LHX6: variants seen among roughly 807,000 people sequenced by gnomAD.
The protein encoded by LHX6 is LIM/homeobox protein Lhx6.
In LHX6, 15 loss-of-function variants were observed where a neutral mutation model predicts 47.1. That is an observed-to-expected ratio of 0.32 (90% confidence interval 0.21 to 0.49). LHX6 has a LOEUF of 0.49. Among genes scored for constraint, LHX6 ranks in the 20% least tolerant of loss-of-function variants. LHX6 has a pLI of 0.99. For synonymous variants in LHX6, 242 were observed against 233.5 expected (o/e 1.04, Z -0.33); for missense variants, 404 against 539.6 (o/e 0.75, Z 2.49).
chr9:122,221,068 G>A, intron 4 of LHX6: 2 of 985,056 alleles, frequency 2.0e-6, no homozygotes, highest in Non-Finnish European at 2.4e-6. Context: ...GAGCCGAGAG[G>A]CCGAAACTCA....
chr9:122,210,386 C>A (rs754352029), intron 8 of LHX6, among the ~76,000 whole-genome samples: 6 of 152,168 alleles, frequency 3.9e-5, no homozygotes, highest in Non-Finnish European at 8.8e-5. Flanking sequence ...TCTATTCAGA[C>A]CCTCCCTCAG....
rs2118804756 is a variant in LHX6 at position 122,202,957 on chromosome 9, A to G, written c.*1803T>C. ...CACTGGGGCCTTGATGATCAGGAGC[A>G]AAAATCAAAGGAAAGATTTGAGCTC... On this transcript the variant is annotated 3_prime_UTR_variant, in exon 10 of 10. Coordinates refer to ENST00000394319, the MANE Select transcript of LHX6 (RefSeq NM_014368.5). 6.6e-6 allele frequency: 1 copy of G among 152,542 alleles called. No individual in the cohort carries two copies. Among genetic ancestry groups the G allele is most frequent in the Middle Eastern group, 3.4e-3 (1 of 294 alleles). 9.4% of individuals were successfully genotyped at this position (152,542 alleles called of 1,614,324 possible).
Position 122,213,569 on chromosome 9 carries a change from C to T in LHX6, c.1054+37G>A, listed in dbSNP as rs764251235. 4 of 1,516,876 alleles carry T rather than the reference C, an allele frequency of 2.6e-6. No individual in the cohort carries two copies. In the African/African-American group the frequency reaches 4.1e-5, roughly 16 times the overall value. 94.0% of individuals were successfully genotyped at this position (1,516,876 alleles called of 1,614,324 possible). A position where few individuals can be genotyped will look rare whatever the true frequency, so the allele number is the denominator to read the frequency against. On this transcript the variant is annotated intron_variant, in intron 8 of 9. Transcript: ENST00000394319. This position sits in a 1 kb window ranked among gnomAD's most constrained non-coding sequence, Gnocchi z 5.5. ...CGTGCGCTCCTCCGCGCCCCCTCCCCGCAGGCCCAGCGGCTCCCGGCGCTG... is the reference window on the plus strand; with the variant it reads ...CGTGCGCTCCTCCGCGCCCCCTCCCTGCAGGCCCAGCGGCTCCCGGCGCTG...
Position 122,209,688 on chromosome 9 carries a change from G to A in LHX6, c.1084C>T (p.Arg362Trp), listed in dbSNP as rs1830326799. Residue 362 changes from arginine (R) to tryptophan (W), a missense_variant, in exon 9 of 10, where the codon CGG becomes TGG. Around this residue, in one of 7 missense-constraint regions of LHX6, gnomAD observed 127 missense variants for 116.1 expected, o/e 1.09. Coordinates refer to ENST00000394319, the MANE Select transcript of LHX6 (RefSeq NM_014368.5). ...ACGGGGGGTGCGGTGTAAGGCAGCC[G>A]GCAGTGCACCTGCCCGCACTGTACC... Reference protein sequence around the residue: ...SQVQCGQVHCRLPYTAPPVHL... With the variant: ...SQVQCGQVHCWLPYTAPPVHL... 2.8e-6 allele frequency: 3 copies of A among 1,057,354 alleles called. No homozygotes were observed. Among genetic ancestry groups the A allele is most frequent in the Admixed American group, 1.7e-5 (1 of 59,346 alleles). The allele number at this position is 1,057,354 out of a possible 1,614,324, so 65.5% of individuals were successfully genotyped here. A position where few individuals can be genotyped will look rare whatever the true frequency, so the allele number is the denominator to read the frequency against.
intron 5 of LHX6, 72 bp downstream of exon 5, chr9:122,216,996 C>A: frequency 7.6e-7 from 1 of 1,317,008 alleles, no homozygotes; most frequent in South Asian, 1.3e-5. Flanking sequence ...GTGGGTGGTT[C>A]CTGGGGTGCT....
chr9:122,227,017 G>T lies in LHX6; in HGVS notation c.170C>A (p.Ala57Asp), dbSNP rs1831131950. The change falls in exon 3 of 10, where the codon GCC (alanine) becomes GAC (aspartate). Residue 57 changes from alanine (A) to aspartate (D), a missense_variant. Physicochemically the swap from Ala to Asp is moderately radical, Grantham distance 126. This residue lies in a region of LHX6 where 144 missense variants were observed against 128.7 expected (regional missense o/e 1.12). Coordinates refer to ENST00000394319, the MANE Select transcript of LHX6 (RefSeq NM_014368.5). ...GTCCAGAGCTCCTGCCAGGGCCTCG[G>T]CGTCAGACTGAGCCTGCGGCGGGGG... ...TAPPAMAQSD[A>D]EALAGALDKD... The T allele has an allele frequency of 1.3e-6, 2 of 1,503,724 alleles. No homozygotes were observed. Among genetic ancestry groups the T allele is most frequent in the Non-Finnish European group, 1.8e-6 (2 of 1,123,378 alleles). 93.1% of individuals were successfully genotyped at this position (1,503,724 alleles called of 1,614,324 possible). A position where few individuals can be genotyped will look rare whatever the true frequency, so the allele number is the denominator to read the frequency against.
intron 9 of LHX6, among the ~76,000 whole-genome samples, chr9:122,207,066 A>G (rs577751152): frequency 6.6e-6 from 1 of 152,262 alleles, no homozygotes; most frequent in East Asian, 1.9e-4. Flanking sequence ...AAGCTCCCTG[A>G]GGGCAGGGAT....
intron 8 of LHX6, among the ~76,000 whole-genome samples, chr9:122,210,070 T>G (rs1830344121): frequency 6.6e-6 from 1 of 152,052 alleles, no homozygotes; most frequent in African/African-American, 2.4e-5. Context: ...GAGACGGGGT[T>G]TCACCGTGTT....
At chr9:122,228,593 G>C (rs1009327623) in intron 1 of LHX6, 64 bp downstream of exon 1, 128 of 1,323,394 alleles carry the variant, frequency 9.7e-5, no homozygotes, top group Non-Finnish European at 1.1e-4. Context: ...TGCTCGGCCC[G>C]GCTGGGTCCC....
At chr9:122,221,977 A>G (rs1191347553) in intron 4 of LHX6, among the ~76,000 whole-genome samples, 1 of 152,182 alleles carries the variant, frequency 6.6e-6, no homozygotes, top group East Asian at 1.9e-4. Context: ...CCACGCCACC[A>G]TACTGTGGGA....
Position 122,202,736 on chromosome 9 carries a change from T to C in LHX6, c.*2024A>G, listed in dbSNP as rs1450543513. ...TTCCGTGTGTGTGTTTTCCCCTTTT[T>C]TTGTATTTAAATAAATAGTCTTGAT... On this transcript the variant is annotated 3_prime_UTR_variant, in exon 10 of 10. Transcript: ENST00000394319. The C allele has an allele frequency of 2.0e-5, 3 of 152,608 alleles. No homozygotes were observed. The East Asian group carries it at 5.8e-4, about 29-fold the overall frequency. The allele number at this position is 152,608 out of a possible 1,614,324, so 9.5% of individuals were successfully genotyped here.
chr9:122,208,366 C>CCTGTCACA (rs1383329969), intron 9 of LHX6, among the ~76,000 whole-genome samples: 2 of 152,084 alleles, frequency 1.3e-5, no homozygotes, highest in Non-Finnish European at 2.9e-5. Flanking sequence ...CATGGCTTCC[C>CCTGTCACA]CTGTCACACT....
intron 5 of LHX6, among the ~76,000 whole-genome samples, 170 bp downstream of exon 5, chr9:122,216,898 A>G (rs1830611623): frequency 6.7e-6 from 1 of 148,308 alleles, no homozygotes; most frequent in Middle Eastern, 3.5e-3. Flanking sequence ...TAAGCAAAAG[A>G]TCGACCCGGA....
At position 122,204,754 on chromosome 9, in the gene LHX6, G is replaced by A; in HGVS notation, c.*6C>T. On this transcript the variant is annotated 3_prime_UTR_variant, in exon 10 of 10. Transcript: ENST00000394319. The stretch of plus-strand genomic sequence containing the variant: ...CCCACGGGCAGATGCGGAAGTGCCG[G>A]CAGCGTTAGTACTGAAAAAGGATGA... 1 of 1,599,390 alleles carries A rather than the reference G, an allele frequency of 6.3e-7. No individual in the cohort carries two copies.
rs761983883 is a variant in LHX6, at chr9:122,213,677, T to C, written c.983A>G (p.Asp328Gly). The C allele has an allele frequency of 2.5e-6, 4 of 1,612,508 alleles. No individual in the cohort carries two copies. Among genetic ancestry groups the C allele is most frequent in the Non-Finnish European group, 2.5e-6 (3 of 1,179,794 alleles). ...PPSRLPSALS[D>G]DIHYTPFSSP... Reference sequence around the variant, plus strand: ...GCTGAACGGGGTGTAGTGGATGTCGTCGGACAGGGCGGAGGGAAGGCGGGA... The same window carrying C: ...GCTGAACGGGGTGTAGTGGATGTCGCCGGACAGGGCGGAGGGAAGGCGGGA... The change falls in exon 8 of 10, where the codon GAC (aspartate) becomes GGC (glycine). Residue 328 changes from aspartate to glycine, a missense_variant. By Grantham distance (94) the Asp-to-Gly change is moderately conservative. Coordinates refer to ENST00000394319, the MANE Select transcript of LHX6 (RefSeq NM_014368.5). The surrounding 1 kb of genome is among the most constrained non-coding windows in gnomAD (Gnocchi z 5.5).
intron 8 of LHX6, among the ~76,000 whole-genome samples, chr9:122,211,742 C>T (rs754796169): frequency 2.6e-5 from 4 of 152,184 alleles, no homozygotes; most frequent in Admixed American, 6.5e-5. Flanking sequence ...TAAGTTTGGT[C>T]AACAGAGTGT....
In LHX6 at chr9:122,228,231, A is replaced by G. The variant is rs1831191454; in HGVS notation, c.84+426T>C. The G allele has an allele frequency of 1.2e-5, 19 of 1,529,250 alleles. No individual in the cohort carries two copies. In the South Asian group the frequency reaches 2.3e-4, roughly 18 times the overall value. 94.7% of individuals were successfully genotyped at this position (1,529,250 alleles called of 1,614,324 possible). A position where few individuals can be genotyped will look rare whatever the true frequency, so the allele number is the denominator to read the frequency against. On this transcript the variant is annotated intron_variant, in intron 1 of 9. Transcript: ENST00000394319. ...AAAAAGAGAGCGAGATCGGGGCGAA[A>G]CGGGACCAAAAAGAGAAAAGAGAGG...
At position 122,213,933 on chromosome 9, in the gene LHX6, G is replaced by A. The variant is rs1347971104; in HGVS notation, c.879+41C>T. 1 of 1,540,728 alleles carries A rather than the reference G, an allele frequency of 6.5e-7. No individual in the cohort carries two copies. On this transcript the variant is annotated intron_variant, in intron 7 of 9. Transcript: ENST00000394319. The surrounding 1 kb of genome is among the most constrained non-coding windows in gnomAD (Gnocchi z 5.5). The stretch of plus-strand genomic sequence containing the variant: ...GCCGAGCCCAGCTACGAGCTCCGGG[G>A]CGTGCCCGCGGTCCCCAGGCCCCGC...
rs1416548458 is a variant in LHX6 at position 122,213,428 on chromosome 9, C to A, written c.1054+178G>T. Among the ~76,000 whole-genome samples, 1 of 152,156 alleles carries A rather than the reference C, an allele frequency of 6.6e-6. No homozygotes were observed. The highest frequency in any genetic ancestry group is 1.5e-5 in the Non-Finnish European group (1 of 68,032). On this transcript the variant is annotated intron_variant, in intron 8 of 9. Transcript: ENST00000394319. This position sits in a 1 kb window ranked among gnomAD's most constrained non-coding sequence, Gnocchi z 5.5. The stretch of plus-strand genomic sequence containing the variant: ...AGGATCCCGCTCCACTGAGGCAGAG[C>A]CGAAGATTTGACCCTTCTTCCCCCA...
Sources: allele counts gnomAD v4.1 joint callset (sites outside exome capture counted in the v4.1 genomes callset), GRCh38; gene constraint gnomAD v4.1.1; regional missense constraint gnomAD v4.1.1; non-coding constraint Gnocchi (gnomAD v3.1); transcripts MANE v1.5; gene names NCBI Gene and HGNC (gene_info 2026-07-23, HGNC 2026-07-21).